The following CSMD1 variants were observed in gnomAD, a reference collection of about 807,000 sequenced individuals.
The protein encoded by CSMD1 is CUB and sushi domain-containing protein 1.
A neutral mutation model predicts 417.5 loss-of-function variants in CSMD1; 213 were observed. The observed-to-expected ratio is 0.51, with a 90% CI of 0.46 to 0.57. CSMD1 has a LOEUF of 0.57. Among genes scored for constraint, CSMD1 ranks in the 20% least tolerant of loss-of-function variants. The probability of loss-of-function intolerance (pLI) is 0.00; values close to 1 mark genes in which losing one functional copy is unlikely to be tolerated. For missense variants in CSMD1, 6,923 were observed against 4,529.7 expected (o/e 1.53, Z -15.17); for synonymous variants, 2,862 against 1,736.8 (o/e 1.65, Z -16.11).
intron 3 of CSMD1, among the ~76,000 whole-genome samples, chr8:4,253,698 G>A (rs758309807): frequency 6.6e-6 from 1 of 151,498 alleles, no homozygotes; most frequent in Non-Finnish European, 1.5e-5. Context: ...TATAAAATTT[G>A]CCAACTAAGT....
chr8:4,791,851 T>C lies in CSMD1; in HGVS notation c.86-154293A>G, dbSNP rs957938469. Among the ~76,000 whole-genome samples the C allele has an allele frequency of 2.4e-4, 37 of 152,306 alleles. 1 individual carries two copies. The highest frequency in any genetic ancestry group is 3.4e-3 in the Middle Eastern group (1 of 294). ...ACAAAATTCCAACAGATATACTTTTTTTCAAAAAAAAATTTTTTTAGCTTG... is the reference window on the plus strand; with the variant it reads ...ACAAAATTCCAACAGATATACTTTTCTTCAAAAAAAAATTTTTTTAGCTTG... On this transcript the variant is annotated intron_variant, in intron 1 of 69. Coordinates refer to ENST00000635120, the MANE Select transcript of CSMD1 (RefSeq NM_033225.6).
At chr8:3,864,041 G>T (rs752645896) in intron 5 of CSMD1, among the ~76,000 whole-genome samples, 6 of 152,108 alleles carry the variant, frequency 3.9e-5, no homozygotes, top group Admixed American at 6.6e-5. Flanking sequence ...AAATCTTAGT[G>T]AAGATGAATG....
At chr8:3,545,834 G>C (rs974452061) in intron 10 of CSMD1, among the ~76,000 whole-genome samples, 5 of 152,324 alleles carry the variant, frequency 3.3e-5, no homozygotes, top group South Asian at 2.1e-4. Context: ...TTTAGTAGCA[G>C]AGTCTATTGG....
At chr8:4,219,460 C>T (rs573950807) in intron 3 of CSMD1, among the ~76,000 whole-genome samples, 1 of 152,174 alleles carries the variant, frequency 6.6e-6, no homozygotes, top group East Asian at 1.9e-4. Flanking sequence ...GAACCTCTCT[C>T]TTGAACTCTA....
chr8:4,349,751 C>G (rs1177365269), intron 3 of CSMD1, among the ~76,000 whole-genome samples: 1 of 151,700 alleles, frequency 6.6e-6, no homozygotes, highest in Non-Finnish European at 1.5e-5. Context: ...TTTCAAATGC[C>G]CAAATGAATC....
At chr8:4,781,811 C>T (rs568439154) in intron 1 of CSMD1, among the ~76,000 whole-genome samples, 1 of 152,250 alleles carries the variant, frequency 6.6e-6, no homozygotes, top group African/African-American at 2.4e-5. Flanking sequence ...TCACCTAGGC[C>T]AGTAAAACAT....
intron 25 of CSMD1, among the ~76,000 whole-genome samples, chr8:3,289,759 T>C (rs1277279546): frequency 6.8e-6 from 1 of 147,360 alleles, no homozygotes; most frequent in Non-Finnish European, 1.5e-5. Context: ...GCAATAATTT[T>C]CTCCCATTCT....
At position 3,223,812 on chromosome 8, in the gene CSMD1, G is replaced by A. The variant is rs1798342441; in HGVS notation, c.4401C>T (p.Tyr1467=). 13 of 1,613,860 alleles carry A rather than the reference G, an allele frequency of 8.1e-6. No homozygotes were observed. Among genetic ancestry groups the A allele is most frequent in the Non-Finnish European group, 1.1e-5 (13 of 1,179,830 alleles). Residue 1467 remains tyrosine (Y), a synonymous_variant, in exon 28 of 70, where the codon TAC becomes TAT. Transcript: ENST00000635120. ...CCTTCCCAGGAGGATACGGCTGTGG[G>A]TAGTTGGGTGACAAAATAACACCTG... ...GPAGVILSPN[Y]PQPYPPGKEC...
intron 8 of CSMD1, among the ~76,000 whole-genome samples, chr8:3,609,607 C>A (rs543704423): frequency 1.3e-5 from 2 of 152,028 alleles, no homozygotes; most frequent in Admixed American, 6.6e-5. Context: ...AAAGTGAACT[C>A]TTTTTAACAA....
At chr8:4,155,081 G>A (rs75267966) in intron 3 of CSMD1, among the ~76,000 whole-genome samples, 1 of 152,154 alleles carries the variant, frequency 6.6e-6, no homozygotes. Flanking sequence ...TTTGTGCTTT[G>A]AACTCATGCA....
rs573936728 is a variant in CSMD1, at chr8:4,736,492, A to G, written c.86-98934T>C. ...AAATACAAGAAAAACTAAAGAAGTC[A>G]GAACTCAGATACTCAAGCATACACT... On this transcript the variant is annotated intron_variant, in intron 1 of 69. Coordinates refer to ENST00000635120, the MANE Select transcript of CSMD1 (RefSeq NM_033225.6). 1.5e-3 allele frequency among the ~76,000 whole-genome samples: 232 copies of G among 152,258 alleles called. 1 individual carries two copies. The highest frequency in any genetic ancestry group is 5.4e-3 in the African/African-American group (225 of 41,550).
intron 3 of CSMD1, among the ~76,000 whole-genome samples, chr8:4,388,794 C>T (rs1442210443): frequency 6.6e-6 from 1 of 152,188 alleles, no homozygotes. Context: ...CCTTGATCCT[C>T]CCAGTACCTC....
intron 1 of CSMD1, among the ~76,000 whole-genome samples, chr8:4,761,843 C>CTA (rs1351317197): frequency 2.1e-4 from 15 of 69,880 alleles, no homozygotes; most frequent in African/African-American, 5.2e-4. Flanking sequence ...ATGCATCTAT[C>CTA]TATCTATCTA....
chr8:3,059,416 G>A (rs1245703990), intron 49 of CSMD1, among the ~76,000 whole-genome samples: 2 of 152,076 alleles, frequency 1.3e-5, no homozygotes, highest in African/African-American at 2.4e-5. Flanking sequence ...CCTCAGGACA[G>A]CCTCTCAGTT....
At chr8:3,293,658 G>A (rs1440556117) in intron 25 of CSMD1, among the ~76,000 whole-genome samples, 2 of 152,126 alleles carry the variant, frequency 1.3e-5, no homozygotes, top group African/African-American at 4.8e-5. Context: ...TAGTCCTCGT[G>A]CCTTGGTTTT....
chr8:4,695,098 C>T (rs1399516117), intron 1 of CSMD1, among the ~76,000 whole-genome samples: 1 of 152,168 alleles, frequency 6.6e-6, no homozygotes, highest in Non-Finnish European at 1.5e-5. Context: ...CTCATCATCA[C>T]TTAAGCCTGG....
intron 8 of CSMD1, among the ~76,000 whole-genome samples, chr8:3,599,812 C>T (rs1219366615): frequency 6.6e-6 from 1 of 152,190 alleles, no homozygotes; most frequent in African/African-American, 2.4e-5. Flanking sequence ...TCCTGTCTTT[C>T]ATCAAAATCT....
At position 4,614,366 on chromosome 8, in the gene CSMD1, A is replaced by G. The variant is rs538944392; in HGVS notation, c.302+22976T>C. 3.9e-5 allele frequency among the ~76,000 whole-genome samples: 6 copies of G among 152,282 alleles called. No individual in the cohort carries two copies. The South Asian group carries it at 1.2e-3, about 32-fold the overall frequency. ...CCACCATTACCTCCATGGCTTGTCT[A>G]GTGATGATGAGGTTGACAGAAAACA... is the stretch of plus-strand genomic sequence containing the variant. On this transcript the variant is annotated intron_variant, in intron 2 of 69. Transcript: ENST00000635120.
chr8:3,456,303 G>GCTGCACCCACTGTC (rs796910719), intron 12 of CSMD1, among the ~76,000 whole-genome samples: 14 of 37,594 alleles, frequency 3.7e-4, no homozygotes, highest in South Asian at 8.2e-4. Context: ...TGCTTTGTGT[G>GCTGCACCCACTGTC]CTGCACCCAC....
Sources: gnomAD v4.1 joint callset for allele counts (sites outside exome capture counted in the v4.1 genomes callset) on GRCh38, gnomAD v4.1.1 for gene constraint, MANE v1.5 for transcripts, NCBI Gene and HGNC (gene_info 2026-07-23, HGNC 2026-07-21) for gene names.